Variants in NTNG1 observed in about 807,000 individuals in gnomAD.
NTNG1 encodes netrin-G1.
Under a neutral mutation model 54.0 loss-of-function variants are expected in NTNG1, and 16 were observed. That is an observed-to-expected ratio of 0.30 (90% CI 0.20 to 0.45). The LOEUF (loss-of-function observed/expected upper bound fraction) is 0.45, where lower values mean the gene tolerates loss of function less well. Among genes scored for constraint, NTNG1 ranks in the 20% least tolerant of loss-of-function variants. NTNG1 has a pLI of 1.00. For missense variants in NTNG1, 530 were observed against 678.7 expected, an observed-to-expected ratio of 0.78 and a Z score of 2.43; for synonymous variants, 255 against 263.1, an observed-to-expected ratio of 0.97 and a Z score of 0.30.
At chr1:107,447,167 T>C (rs1451696767) in intron 7 of NTNG1, among the ~76,000 whole-genome samples, 1 of 152,148 alleles carries the variant, frequency 6.6e-6, no homozygotes, top group Non-Finnish European at 1.5e-5. Context: ...ATTGATTTTA[T>C]TTTTAAGACA....
intron 2 of NTNG1, among the ~76,000 whole-genome samples, chr1:107,184,348 C>T (rs940974963): frequency 1.3e-5 from 2 of 152,110 alleles, no homozygotes; most frequent in African/African-American, 4.8e-5. Context: ...TGTCCAACAG[C>T]AGTTCAAAAG....
At chr1:107,368,601 G>A (rs1044418886) in intron 3 of NTNG1, among the ~76,000 whole-genome samples, 5 of 152,128 alleles carry the variant, frequency 3.3e-5, no homozygotes, top group African/African-American at 1.2e-4. Flanking sequence ...ACTGAGTACT[G>A]CCTATGTAAC....
chr1:107,483,827 G>A lies in NTNG1; in HGVS notation c.*2987G>A, dbSNP rs1327923913. Among the ~76,000 whole-genome samples, 3 of 152,142 alleles carry A rather than the reference G, an allele frequency of 2.0e-5. No homozygotes were observed. Among genetic ancestry groups the A allele is most frequent in the Non-Finnish European group, 4.4e-5 (3 of 68,030 alleles). The stretch of plus-strand genomic sequence containing the variant: ...TAACATTTCAAAAAATGGGACAAAG[G>A]TTCAGCTATCTAGAAAGATTTGCTA... On this transcript the variant is annotated 3_prime_UTR_variant, in exon 8 of 8. Coordinates refer to ENST00000370068, the MANE Select transcript of NTNG1 (RefSeq NM_001113226.3).
intron 2 of NTNG1, among the ~76,000 whole-genome samples, chr1:107,150,808 C>T (rs1654512412): frequency 6.6e-6 from 1 of 152,202 alleles, no homozygotes; most frequent in South Asian, 2.1e-4. Flanking sequence ...CGGATCTTCC[C>T]ATGCCTGCCT....
chr1:107,402,099 A>G (rs17018875), intron 4 of NTNG1, among the ~76,000 whole-genome samples: 4,289 of 152,244 alleles, frequency 0.028, 78 homozygotes, highest in African/African-American at 0.056. Flanking sequence ...CTGCCTGTCT[A>G]TTCAACCACA....
intron 2 of NTNG1, among the ~76,000 whole-genome samples, chr1:107,160,347 A>G (rs558672938): frequency 2.0e-5 from 3 of 152,214 alleles, no homozygotes; most frequent in Non-Finnish European, 2.9e-5. Flanking sequence ...TGCTGTTAGC[A>G]AAATCGTCAA....
chr1:107,221,968 C>T (rs1427739917), intron 2 of NTNG1, among the ~76,000 whole-genome samples: 1 of 152,180 alleles, frequency 6.6e-6, no homozygotes, highest in Admixed American at 6.5e-5. Context: ...TCCATCACAA[C>T]TAATGTCTAA....
intron 2 of NTNG1, among the ~76,000 whole-genome samples, chr1:107,267,215 G>A (rs1035285246): frequency 7.9e-5 from 12 of 152,178 alleles, no homozygotes; most frequent in African/African-American, 2.9e-4. Flanking sequence ...ACAGATAAAT[G>A]AGATAATACA....
chr1:107,438,082 T>C (rs1451901742), intron 7 of NTNG1, among the ~76,000 whole-genome samples: 2 of 152,106 alleles, frequency 1.3e-5, no homozygotes, highest in Admixed American at 1.3e-4. Context: ...ACTGTGTAGA[T>C]CCAATTTCTA....
intron 7 of NTNG1, among the ~76,000 whole-genome samples, chr1:107,459,963 T>A (rs1677181412): frequency 6.6e-6 from 1 of 152,232 alleles, no homozygotes; most frequent in Admixed American, 6.5e-5. Flanking sequence ...GCAAATGAAC[T>A]TTTGAAGTAT....
At chr1:107,348,893 C>T (rs1669426742) in intron 3 of NTNG1, among the ~76,000 whole-genome samples, 1 of 152,188 alleles carries the variant, frequency 6.6e-6, no homozygotes, top group Non-Finnish European at 1.5e-5. Context: ...CTATTTTCCA[C>T]TCTACAGTCA....
At chr1:107,407,795 A>G (rs2101147215) in intron 5 of NTNG1, 87 bp downstream of exon 5, 7 of 1,163,860 alleles carry the variant, frequency 6.0e-6, no homozygotes, top group Non-Finnish European at 9.1e-6. Context: ...CTATTTTCCC[A>G]GTGTCCATTT....
chr1:107,239,361 G>T (rs1661654918), intron 2 of NTNG1, among the ~76,000 whole-genome samples: 1 of 152,208 alleles, frequency 6.6e-6, no homozygotes, highest in Admixed American at 6.5e-5. Context: ...GATTGGAATG[G>T]AAATGAATGG....
chr1:107,182,997 C>G (rs541974097), intron 2 of NTNG1, among the ~76,000 whole-genome samples: 1 of 152,102 alleles, frequency 6.6e-6, no homozygotes, highest in Admixed American at 6.6e-5. Flanking sequence ...ATCTAGCAGG[C>G]TGGGATGATT....
At chr1:107,328,664 G>C (rs1557903800) in intron 3 of NTNG1, among the ~76,000 whole-genome samples, 1 of 151,982 alleles carries the variant, frequency 6.6e-6, no homozygotes, top group Non-Finnish European at 1.5e-5. Flanking sequence ...TTCTTTGCAA[G>C]CTTTCCACAA....
Position 107,372,963 on chromosome 1 carries a change from C to T in NTNG1, c.888-22191C>T, listed in dbSNP as rs554687738. Among the ~76,000 whole-genome samples the T allele has an allele frequency of 2.7e-3, 410 of 152,234 alleles. 1 individual carries two copies. The highest frequency in any genetic ancestry group is 9.5e-3 in the African/African-American group (395 of 41,568). Reference sequence around the variant, plus strand: ...ATTGATATATCATTCCAGCTTCCTTCGGGTTAGTGTTAGCATGATCTATTT... The same window carrying T: ...ATTGATATATCATTCCAGCTTCCTTTGGGTTAGTGTTAGCATGATCTATTT... On this transcript the variant is annotated intron_variant, in intron 3 of 7. Coordinates refer to ENST00000370068, the MANE Select transcript of NTNG1 (RefSeq NM_001113226.3).
At chr1:107,315,603 T>A (rs189189266) in intron 2 of NTNG1, among the ~76,000 whole-genome samples, 309 of 152,288 alleles carry the variant, frequency 2.0e-3, no homozygotes, top group Middle Eastern at 0.017. Flanking sequence ...GGGCCTGGCA[T>A]TTGTTACTCC....
chr1:107,260,412 T>A (rs1471356080), intron 2 of NTNG1, among the ~76,000 whole-genome samples: 1 of 152,220 alleles, frequency 6.6e-6, no homozygotes, highest in East Asian at 1.9e-4. Context: ...CATTTCACTC[T>A]GATGTTCTAC....
At chr1:107,332,582 T>C (rs1017429008) in intron 3 of NTNG1, among the ~76,000 whole-genome samples, 1 of 152,020 alleles carries the variant, frequency 6.6e-6, no homozygotes. Flanking sequence ...GGATCAGAGT[T>C]TTTTCTTAAC....
Sources: gnomAD v4.1 joint callset for allele counts (sites outside exome capture counted in the v4.1 genomes callset) on GRCh38, gnomAD v4.1.1 for gene constraint, MANE v1.5 for transcripts, NCBI Gene and HGNC (gene_info 2026-07-23, HGNC 2026-07-21) for gene names.